Variants in FRYL observed in about 807,000 individuals in gnomAD.
FRYL encodes the protein FRY like transcription coactivator.
Under a neutral mutation model 351.2 loss-of-function variants are expected in FRYL, and 150 were observed. That is an observed-to-expected ratio of 0.43 (90% CI 0.37 to 0.49). FRYL has a LOEUF of 0.49. FRYL is among the 20% of genes least tolerant of loss of function. The pLI is 0.00. For missense variants in FRYL, 3,036 were observed against 3,619.3 expected, an observed-to-expected ratio of 0.84 and a Z score of 4.13; for synonymous variants, 1,153 against 1,257.1, an observed-to-expected ratio of 0.92 and a Z score of 1.75.
chr4:48,757,855 C>G (rs1226577630), intron 1 of FRYL, among the ~76,000 whole-genome samples: 3 of 152,134 alleles, frequency 2.0e-5, no homozygotes, highest in African/African-American at 4.8e-5. Flanking sequence ...GCTACAGTAA[C>G]CAAAACAGCA....
intron 3 of FRYL, among the ~76,000 whole-genome samples, chr4:48,655,230 C>T (rs758320087): frequency 1.3e-5 from 2 of 152,106 alleles, no homozygotes; most frequent in Non-Finnish European, 2.9e-5. Context: ...AGAAATCTGG[C>T]CATCCCTACT....
chr4:48,752,358 C>A (rs1426538427), intron 1 of FRYL, among the ~76,000 whole-genome samples: 1 of 152,238 alleles, frequency 6.6e-6, no homozygotes, highest in Non-Finnish European at 1.5e-5. Context: ...AATGAACCAT[C>A]TTGACTCCGG....
rs117332586 is a variant in FRYL, at chr4:48,597,767, G to A, written c.1036-1767C>T. Among the ~76,000 whole-genome samples the A allele has an allele frequency of 1.2e-3, 179 of 152,278 alleles. 3 individuals are homozygous for A. In the East Asian group the frequency reaches 0.025, roughly 21 times the overall value. On this transcript the variant is annotated intron_variant, in intron 13 of 63. Transcript: ENST00000358350. Reference sequence around the variant, plus strand: ...TAAAAGTATTTGGATTATCTTAAGTGATGAGGTATCTGGCATGAAAAAACT... The same window carrying A: ...TAAAAGTATTTGGATTATCTTAAGTAATGAGGTATCTGGCATGAAAAAACT...
At chr4:48,564,141 A>G (rs766517825) in intron 30 of FRYL, 39 bp from the exon 31 acceptor site, 10 of 1,607,544 alleles carry the variant, frequency 6.2e-6, no homozygotes, top group Non-Finnish European at 8.5e-6. Context: ...AGAGAACGTT[A>G]TATATTTTTT....
At chr4:48,651,228 G>A (rs1274650624) in intron 3 of FRYL, among the ~76,000 whole-genome samples, 8 of 146,080 alleles carry the variant, frequency 5.5e-5, no homozygotes, top group Admixed American at 1.4e-4. Context: ...GTGTGTGTGT[G>A]TGTGTGTGTG....
intron 1 of FRYL, among the ~76,000 whole-genome samples, chr4:48,744,943 G>A (rs1265879669): frequency 1.3e-5 from 2 of 152,162 alleles, no homozygotes; most frequent in East Asian, 3.8e-4. Context: ...GTACAAAGAA[G>A]GCGGCAAAGG....
chr4:48,771,590 T>A (rs1186573970), intron 1 of FRYL, among the ~76,000 whole-genome samples: 1 of 152,160 alleles, frequency 6.6e-6, no homozygotes, highest in Non-Finnish European at 1.5e-5. Context: ...TCAGAGGAAG[T>A]TAAACATCCA....
chr4:48,641,942 A>AT (rs1755421830), intron 3 of FRYL, among the ~76,000 whole-genome samples: 1 of 152,144 alleles, frequency 6.6e-6, no homozygotes, highest in Admixed American at 6.6e-5. Context: ...TTCCATTTAA[A>AT]TTTGTCATCC....
chr4:48,502,969 A>G (rs1720049088), intron 60 of FRYL, 124 bp from the exon 61 acceptor site: 1 of 643,294 alleles, frequency 1.6e-6, no homozygotes, highest in Admixed American at 3.3e-5. Context: ...ATATATTTAT[A>G]CCCCAAAGAA....
intron 1 of FRYL, among the ~76,000 whole-genome samples, chr4:48,733,800 C>T (rs1410194182): frequency 1.3e-5 from 2 of 152,064 alleles, no homozygotes; most frequent in Non-Finnish European, 2.9e-5. Context: ...CAAGCAACCA[C>T]TTAAAAGTAA....
chr4:48,739,165 C>T (rs1291391953), intron 1 of FRYL, among the ~76,000 whole-genome samples: 1 of 152,070 alleles, frequency 6.6e-6, no homozygotes, highest in Non-Finnish European at 1.5e-5. Context: ...CATTGGGAGG[C>T]CCAGGCAGGT....
In FRYL at chr4:48,515,099, A is replaced by C. The variant is rs1236587970; in HGVS notation, c.7866T>G (p.Asp2622Glu). 1.2e-6 allele frequency: 2 copies of C among 1,613,832 alleles called. No individual in the cohort carries two copies. The highest frequency in any genetic ancestry group is 1.7e-6 in the Non-Finnish European group (2 of 1,179,766). ...ESYPESVCEEDVTLALKELDE... is the reference protein window; with the variant it reads ...ESYPESVCEEEVTLALKELDE... Reference sequence around the variant, plus strand: ...CTAGCTCTTTCAGAGCTAAGGTAACATCCTCTTCACAGACTGACTCGGGGT... The same window carrying C: ...CTAGCTCTTTCAGAGCTAAGGTAACCTCCTCTTCACAGACTGACTCGGGGT... The change falls in exon 56 of 64, where the codon GAT (aspartate) becomes GAG (glutamate). Residue 2622 changes from aspartate (D) to glutamate (E), a missense_variant. Asp to Glu is a conservative substitution (Grantham distance 45, BLOSUM62 2). Transcript: ENST00000358350.
At chr4:48,564,152 G>A (rs1438177438) in intron 30 of FRYL, 50 bp from the exon 31 acceptor site, 1 of 1,599,496 alleles carries the variant, frequency 6.3e-7, no homozygotes. Flanking sequence ...TATATTTTTT[G>A]TCTATTTCCC....
rs577202681 is a variant in FRYL at position 48,648,782 on chromosome 4, A to G, written c.-80-14292T>C. 7.9e-5 allele frequency among the ~76,000 whole-genome samples: 12 copies of G among 152,334 alleles called. No homozygotes were observed. In the South Asian group the frequency reaches 2.5e-3, roughly 32 times the overall value. On this transcript the variant is annotated intron_variant, in intron 3 of 63. Coordinates refer to ENST00000358350, the MANE Select transcript of FRYL (RefSeq NM_015030.2). ...CCTGTCACAAAAGAACACCCATTGT[A>G]TGATTCCATGTATATGAAATGTCCA...
intron 56 of FRYL, 121 bp from the exon 57 acceptor site, chr4:48,512,809 A>G (rs1208932987): frequency 3.0e-6 from 2 of 667,092 alleles, no homozygotes; most frequent in Middle Eastern, 4.0e-4. Context: ...ACACTGATTT[A>G]GAAAATGTAC....
At chr4:48,647,635 T>G (rs1025399615) in intron 3 of FRYL, among the ~76,000 whole-genome samples, 5 of 152,176 alleles carry the variant, frequency 3.3e-5, no homozygotes, top group African/African-American at 1.2e-4. Flanking sequence ...TCAAATGAGG[T>G]GAACCTAGCT....
chr4:48,538,740 T>G (rs1264778071), intron 47 of FRYL, among the ~76,000 whole-genome samples: 3 of 152,136 alleles, frequency 2.0e-5, no homozygotes, highest in Non-Finnish European at 4.4e-5. Context: ...CTCCTGGTGC[T>G]TTAGCCAAGT....
In FRYL at chr4:48,544,886, C is replaced by T. The variant is rs1461640798; in HGVS notation, c.5298G>A (p.Trp1766Ter). The stretch of plus-strand genomic sequence containing the variant: ...TCTTGGCAGAAACATCCTCATGGTT[C>T]CAAAGGGGCCCTCTTTTTCTGAAAA... ...FITSRKRGPL[W>*]NHEDVSAKNP... is the part of the protein sequence containing the mutation. The change falls in exon 43 of 64, where the codon TGG (tryptophan) becomes TGA (stop). Residue 1766 changes from tryptophan to a stop codon, truncating the protein, a stop_gained. Transcript: ENST00000358350. LOFTEE classifies it high-confidence loss of function. 1.2e-6 allele frequency: 2 copies of T among 1,602,064 alleles called. No homozygotes were observed. The highest frequency in any genetic ancestry group is 1.7e-6 in the Non-Finnish European group (2 of 1,176,286).
chr4:48,651,594 T>C (rs1310151469), intron 3 of FRYL, among the ~76,000 whole-genome samples: 1 of 152,142 alleles, frequency 6.6e-6, no homozygotes, highest in African/African-American at 2.4e-5. Flanking sequence ...TTTTCACATA[T>C]ACTTTCTCTA....
Sources: gnomAD v4.1 joint callset for allele counts (sites outside exome capture counted in the v4.1 genomes callset) on GRCh38, gnomAD v4.1.1 for gene constraint, MANE v1.5 for transcripts, NCBI Gene and HGNC (gene_info 2026-07-23, HGNC 2026-07-21) for gene names.